The following CR1L variants were observed in gnomAD, a reference collection of about 807,000 sequenced individuals.
CR1L encodes the protein complement C3b/C4b receptor 1 like.
Under a neutral mutation model 62.3 loss-of-function variants are expected in CR1L, and 59 were observed. The observed-to-expected ratio is 0.95, with a 90% CI of 0.77 to 1.18. CR1L has a LOEUF of 1.18. Ranked by LOEUF, CR1L falls within the 50% of genes most tolerant of loss-of-function variation. The pLI is 0.00. For synonymous variants in CR1L, 279 were observed against 248.7 expected (o/e 1.12, Z -1.15); for missense variants, 700 against 702.8 (o/e 1.00, Z 0.04).
chr1:207,655,365 A>G, intron 1 of CR1L: 1 of 378,480 alleles, frequency 2.6e-6, no homozygotes, highest in Non-Finnish European at 4.9e-6. Flanking sequence ...TTTTAAGATT[A>G]ACAAAGATCC....
rs1663848906 is a variant in CR1L, at chr1:207,683,926, C to T, written c.432C>T (p.Val144=). Residue 144 remains valine, a synonymous_variant, in exon 4 of 12, where the codon GTC becomes GTT. Transcript: ENST00000508064. ...SATCIISGNT[V]IWDNKTPVCD... ...CATGCATCATCTCAGGCAACACTGT[C>T]ATTTGGGATAATAAAACACCTGTTT... is the stretch of plus-strand genomic sequence containing the variant. 3 of 1,613,394 alleles carry T rather than the reference C, an allele frequency of 1.9e-6. No homozygotes were observed. The highest frequency in any genetic ancestry group is 1.3e-5 in the African/African-American group (1 of 74,900).
At chr1:207,695,242 G>A (rs1319570942) in intron 5 of CR1L, among the ~76,000 whole-genome samples, 1 of 152,078 alleles carries the variant, frequency 6.6e-6, no homozygotes, top group East Asian at 1.9e-4. Flanking sequence ...TCTCCTGCCT[G>A]AGCCTCCCAA....
intron 7 of CR1L, among the ~76,000 whole-genome samples, chr1:207,698,381 T>C (rs1664140719): frequency 6.6e-6 from 1 of 152,206 alleles, no homozygotes; most frequent in South Asian, 2.1e-4. Context: ...TCATATATCG[T>C]CTGGCTAGTC....
rs1444152857 is a variant in CR1L at position 207,683,904 on chromosome 1, G to C, written c.410G>C (p.Cys137Ser). The stretch of plus-strand genomic sequence containing the variant: ...CTCATTGGTTCCTCGTCTGCCACAT[G>C]CATCATCTCAGGCAACACTGTCATT... ...YRLIGSSSAT[C>S]IISGNTVIWD... The change falls in exon 4 of 12, where the codon TGC (cysteine) becomes TCC (serine). Residue 137 changes from cysteine to serine, a missense_variant. Coordinates refer to ENST00000508064, the MANE Select transcript of CR1L (RefSeq NM_175710.2). 1 of 1,613,300 alleles carries C rather than the reference G, an allele frequency of 6.2e-7. No individual in the cohort carries two copies. The highest frequency in any genetic ancestry group is 2.2e-5 in the East Asian group (1 of 44,844).
At chr1:207,689,188 T>C (rs988674627) in intron 4 of CR1L, among the ~76,000 whole-genome samples, 2 of 152,156 alleles carry the variant, frequency 1.3e-5, no homozygotes, top group African/African-American at 4.8e-5. Context: ...TTATCATGAA[T>C]GTTCATTCTA....
At chr1:207,680,705 T>C (rs928544859) in intron 3 of CR1L, among the ~76,000 whole-genome samples, 4 of 152,240 alleles carry the variant, frequency 2.6e-5, no homozygotes, top group Non-Finnish European at 5.9e-5. Flanking sequence ...CTATGCAGCC[T>C]GAGTCATGCA....
chr1:207,684,074 C>A, intron 4 of CR1L, 117 bp downstream of exon 4: 1 of 925,052 alleles, frequency 1.1e-6, no homozygotes. Context: ...TGGCTGAAGA[C>A]AGCCATAATG....
intron 1 of CR1L, chr1:207,653,099 G>T: frequency 5.1e-6 from 1 of 196,322 alleles, no homozygotes; most frequent in South Asian, 1.0e-4. Context: ...TCCATGTATA[G>T]GTGATCCTTT....
At chr1:207,717,381 A>G in intron 10 of CR1L, 83 bp from the exon 11 acceptor site, 1 of 1,449,986 alleles carries the variant, frequency 6.9e-7, no homozygotes, top group South Asian at 1.3e-5. Context: ...AATTATATTC[A>G]TAGCACTGTC....
intron 4 of CR1L, among the ~76,000 whole-genome samples, chr1:207,686,327 T>C (rs1663912149): frequency 6.6e-6 from 1 of 151,866 alleles, no homozygotes; most frequent in South Asian, 2.1e-4. Context: ...ATTAAAACAT[T>C]TCACCATTAA....
Position 207,647,709 on chromosome 1 carries a change from G to C in CR1L, c.97+2379G>C, listed in dbSNP as rs1037742489. Among the ~76,000 whole-genome samples the C allele has an allele frequency of 2.0e-5, 3 of 152,146 alleles. No individual in the cohort carries two copies. The South Asian group carries it at 6.2e-4, about 32-fold the overall frequency. On this transcript the variant is annotated intron_variant, in intron 1 of 11. Coordinates refer to ENST00000508064, the MANE Select transcript of CR1L (RefSeq NM_175710.2). ...AGGTTCTTTAAAGAGCTATGCTCAG[G>C]ATGGTCTTTCTGTTGTACCTAAAAA...
intron 9 of CR1L, among the ~76,000 whole-genome samples, chr1:207,706,143 T>C (rs1367529904): frequency 1.3e-5 from 2 of 151,146 alleles, no homozygotes; most frequent in Non-Finnish European, 3.0e-5. Flanking sequence ...AGAAGATAGG[T>C]GGGCACAGTG....
At chr1:207,663,708 C>A (rs1460937950) in intron 1 of CR1L, among the ~76,000 whole-genome samples, 1 of 152,212 alleles carries the variant, frequency 6.6e-6, no homozygotes, top group Non-Finnish European at 1.5e-5. Context: ...AATCACCCGT[C>A]TTCTGTGTCG....
intron 3 of CR1L, among the ~76,000 whole-genome samples, chr1:207,682,788 G>GGGTCTCA (rs1663820935): frequency 6.6e-6 from 1 of 152,090 alleles, no homozygotes; most frequent in African/African-American, 2.4e-5. Flanking sequence ...TCACAACAGA[G>GGGTCTCA]GGTCTCAGGT....
At chr1:207,722,420 G>C (rs1654157781) in intron 11 of CR1L, among the ~76,000 whole-genome samples, 1 of 137,950 alleles carries the variant, frequency 7.2e-6, no homozygotes, top group East Asian at 2.1e-4. Context: ...TGGCTAGCCA[G>C]TTTTCCCAGC....
At chr1:207,664,254 C>A (rs1663474357) in intron 1 of CR1L, among the ~76,000 whole-genome samples, 1 of 152,200 alleles carries the variant, frequency 6.6e-6, no homozygotes, top group Non-Finnish European at 1.5e-5. Flanking sequence ...GTAGACTATG[C>A]TTAATTAACA....
At chr1:207,705,648 T>C (rs1019556383) in intron 9 of CR1L, among the ~76,000 whole-genome samples, 3 of 152,220 alleles carry the variant, frequency 2.0e-5, no homozygotes, top group Non-Finnish European at 2.9e-5. Flanking sequence ...CTTTTCTTTT[T>C]TGAGCATTTT....
At chr1:207,669,611 C>T in intron 1 of CR1L, 1 of 1,162,110 alleles carries the variant, frequency 8.6e-7, no homozygotes, top group Non-Finnish European at 1.2e-6. Context: ...TGACGAGGCA[C>T]CCAGGGCCCC....
intron 1 of CR1L, among the ~76,000 whole-genome samples, chr1:207,665,202 C>T (rs186310771): frequency 4.8e-4 from 73 of 150,518 alleles, no homozygotes; most frequent in Middle Eastern, 3.6e-3. Context: ...TACAGGCACC[C>T]GCCACCATGC....
Sources: allele counts gnomAD v4.1 joint callset (sites outside exome capture counted in the v4.1 genomes callset), GRCh38; gene constraint gnomAD v4.1.1; transcripts MANE v1.5; gene names NCBI Gene and HGNC (gene_info 2026-07-23, HGNC 2026-07-21).